The following SEPTIN9 variants were observed in gnomAD, a reference collection of about 807,000 sequenced individuals.
The protein encoded by SEPTIN9 is septin 9.
SEPTIN9 carries 13 observed loss-of-function variants against 56.6 expected under a neutral mutation model. The ratio of observed to expected loss-of-function variants is 0.23; its 90% CI spans 0.15 to 0.37. The LOEUF is 0.37. Ranked by LOEUF, SEPTIN9 falls within the 10% of genes least tolerant of loss-of-function variation. The pLI is 1.00. For synonymous variants in SEPTIN9, 332 were observed against 334.1 expected (o/e 0.99, Z 0.07); for missense variants, 650 against 823.1 (o/e 0.79, Z 2.57).
Position 77,369,628 on chromosome 17 carries a change from C to T in SEPTIN9, c.77-32431C>T, listed in dbSNP as rs544520730. Among the ~76,000 whole-genome samples the T allele has an allele frequency of 2.0e-5, 3 of 152,188 alleles. No individual in the cohort carries two copies. The highest frequency in any genetic ancestry group is 4.4e-5 in the Non-Finnish European group (3 of 68,038). On this transcript the variant is annotated intron_variant, in intron 2 of 11. Coordinates refer to ENST00000427177, the MANE Select transcript of SEPTIN9 (RefSeq NM_001113491.2). The surrounding 1 kb of genome is among the most constrained non-coding windows in gnomAD (Gnocchi z 4.9). ...GAGGCCTACTTTGTGTCAGGCCACG[C>T]AGAGATAAGACCATCTGGGCCCTGC... is the stretch of plus-strand genomic sequence containing the variant.
chr17:77,356,230 G>T (rs997869196), intron 2 of SEPTIN9, among the ~76,000 whole-genome samples: 13 of 152,120 alleles, frequency 8.5e-5, no homozygotes, highest in African/African-American at 3.1e-4. Context: ...TGCCCAGCCC[G>T]CACCGCGAGG....
intron 3 of SEPTIN9, among the ~76,000 whole-genome samples, chr17:77,452,086 C>G (rs983446708): frequency 5.3e-5 from 8 of 152,188 alleles, no homozygotes; most frequent in African/African-American, 1.9e-4. Context: ...CTCTGGATTC[C>G]TGGATGTGTT....
intron 3 of SEPTIN9, among the ~76,000 whole-genome samples, chr17:77,463,255 T>G (rs1391922979): frequency 2.0e-5 from 3 of 152,320 alleles, no homozygotes; most frequent in African/African-American, 4.8e-5. Context: ...CACTGTATCT[T>G]GGAGTGTGCG....
chr17:77,338,196 CA>C (rs899487998), intron 2 of SEPTIN9, among the ~76,000 whole-genome samples: 14 of 140,854 alleles, frequency 9.9e-5, no homozygotes, highest in South Asian at 2.3e-4. Context: ...GACTCCATCT[CA>C]AAAAAAAAAG....
At chr17:77,301,847 G>A (rs2032067650) in intron 1 of SEPTIN9, among the ~76,000 whole-genome samples, 1 of 152,232 alleles carries the variant, frequency 6.6e-6, no homozygotes. Flanking sequence ...AGGAGAGACT[G>A]TCCAGGCCTC....
At position 77,499,506 on chromosome 17, in the gene SEPTIN9, G is replaced by A. The variant is rs1316752719; in HGVS notation, c.*848G>A. The A allele has an allele frequency of 2.1e-6, 1 of 476,836 alleles. No homozygotes were observed. Among genetic ancestry groups the A allele is most frequent in the Admixed American group, 2.7e-5 (1 of 37,362 alleles). The allele number at this position is 476,836 out of a possible 1,614,324, so 29.5% of individuals were successfully genotyped here. On this transcript the variant is annotated 3_prime_UTR_variant, in exon 12 of 12. Transcript: ENST00000427177. ...GTTTTGAAAAGGTCTAAGCAAGTGA[G>A]TCTGGTGGAGGAGCTGAGGGAGGGA...
At chr17:77,368,502 G>A (rs906259952) in intron 2 of SEPTIN9, among the ~76,000 whole-genome samples, 1 of 152,136 alleles carries the variant, frequency 6.6e-6, no homozygotes, top group Non-Finnish European at 1.5e-5. Context: ...AGTAGAGACA[G>A]GGTTTCACCA....
rs192597437 is a variant in SEPTIN9 at position 77,301,141 on chromosome 17, A to C, written c.20-6000A>C. ...AAGTGGGAAGGAGCCACAGGGAAAC[A>C]AACGGGGGAGGCACGGATGACCAGG... On this transcript the variant is annotated intron_variant, in intron 1 of 11. Coordinates refer to ENST00000427177, the MANE Select transcript of SEPTIN9 (RefSeq NM_001113491.2). 5.6e-4 allele frequency among the ~76,000 whole-genome samples: 85 copies of C among 152,030 alleles called. 1 individual carries two copies. In the East Asian group the frequency reaches 7.4e-3, roughly 13 times the overall value.
At position 77,389,903 on chromosome 17, in the gene SEPTIN9, G is replaced by A. The variant is rs1347838850; in HGVS notation, c.77-12156G>A. On this transcript the variant is annotated intron_variant, in intron 2 of 11. Transcript: ENST00000427177. This position sits in a 1 kb window ranked among gnomAD's most constrained non-coding sequence, Gnocchi z 4.3. Reference sequence around the variant, plus strand: ...GCACATCTGAGAGTGTGCCAGAGGTGCTCCCATTCCCATAGCTGATTTAGT... The same window carrying A: ...GCACATCTGAGAGTGTGCCAGAGGTACTCCCATTCCCATAGCTGATTTAGT... 6.6e-6 allele frequency among the ~76,000 whole-genome samples: 1 copy of A among 152,138 alleles called. No individual in the cohort carries two copies. Among genetic ancestry groups the A allele is most frequent in the Non-Finnish European group, 1.5e-5 (1 of 68,010 alleles).
At chr17:77,285,888 C>G (rs1205937942) in intron 1 of SEPTIN9, among the ~76,000 whole-genome samples, 3 of 152,246 alleles carry the variant, frequency 2.0e-5, no homozygotes, top group Non-Finnish European at 4.4e-5. Flanking sequence ...TCACCCAGCG[C>G]CCCGGGAGCT....
intron 2 of SEPTIN9, among the ~76,000 whole-genome samples, chr17:77,307,787 G>A (rs1479360431): frequency 6.6e-6 from 1 of 152,232 alleles, no homozygotes; most frequent in African/African-American, 2.4e-5. Flanking sequence ...TGGCCGTCCA[G>A]GACACGAGTT....
rs575581790 is a variant in SEPTIN9 at position 77,307,959 on chromosome 17, C to T, written c.76+762C>T. Among the ~76,000 whole-genome samples the T allele has an allele frequency of 3.7e-3, 564 of 152,324 alleles. 3 individuals are homozygous for T. The highest frequency in any genetic ancestry group is 6.0e-3 in the Non-Finnish European group (411 of 68,036). ...TGTCCCTGATCTCCCCTGCCTGACC[C>T]CAGTGTGGCCATGCTAGTGCCTCTG... On this transcript the variant is annotated intron_variant, in intron 2 of 11. Coordinates refer to ENST00000427177, the MANE Select transcript of SEPTIN9 (RefSeq NM_001113491.2).
intron 2 of SEPTIN9, chr17:77,373,650 G>A: frequency 6.7e-7 from 1 of 1,488,340 alleles, no homozygotes. Flanking sequence ...GGAGACGGGA[G>A]TGCGCTGAGG....
At chr17:77,489,294 A>G (rs2039928759) in intron 7 of SEPTIN9, among the ~76,000 whole-genome samples, 1 of 152,182 alleles carries the variant, frequency 6.6e-6, no homozygotes, top group Non-Finnish European at 1.5e-5. Flanking sequence ...CACAGAGATC[A>G]GTGCTGGCCC....
chr17:77,309,740 T>TAA (rs112662009), intron 2 of SEPTIN9, among the ~76,000 whole-genome samples: 9,984 of 151,702 alleles, frequency 0.066, 464 homozygotes, highest in African/African-American at 0.12. Flanking sequence ...TTCTTTCCTT[T>TAA]TAAAAAAAAA....
At chr17:77,474,157 G>A (rs1276677877) in intron 3 of SEPTIN9, among the ~76,000 whole-genome samples, 1 of 152,258 alleles carries the variant, frequency 6.6e-6, no homozygotes, top group African/African-American at 2.4e-5. Context: ...TGGAGGTGGA[G>A]TTTTCAGATG....
chr17:77,464,897 C>G (rs1322060511), intron 3 of SEPTIN9, among the ~76,000 whole-genome samples: 4 of 152,106 alleles, frequency 2.6e-5, no homozygotes, highest in Non-Finnish European at 5.9e-5. Flanking sequence ...CCGGCTGACA[C>G]AGGAAATTAA....
Position 77,404,992 on chromosome 17 carries a change from C to T in SEPTIN9, c.721+2289C>T, listed in dbSNP as rs73373371. 5.5e-5 allele frequency: 68 copies of T among 1,240,792 alleles called. 1 individual carries two copies. The African/African-American group carries it at 7.4e-4, about 13-fold the overall frequency. 76.9% of individuals were successfully genotyped at this position (1,240,792 alleles called of 1,614,324 possible). On this transcript the variant is annotated intron_variant, in intron 3 of 11. Coordinates refer to ENST00000427177, the MANE Select transcript of SEPTIN9 (RefSeq NM_001113491.2). ...GGTGCAGGACCTTTGTTTGACGTGC[C>T]GGATACACCCCCATCCTGGGTTGAT...
rs1476447153 is a variant in SEPTIN9 at position 77,405,931 on chromosome 17, C to T, written c.721+3228C>T. ...CAATCTCTGCGGCCCCTCTGTCCCC[C>T]GAGCACCAGGGATCCAGCTGGCACC... On this transcript the variant is annotated intron_variant, in intron 3 of 11. Coordinates refer to ENST00000427177, the MANE Select transcript of SEPTIN9 (RefSeq NM_001113491.2). The surrounding 1 kb of genome is among the most constrained non-coding windows in gnomAD (Gnocchi z 5.8). Among the ~76,000 whole-genome samples, 1 of 152,230 alleles carries T rather than the reference C, an allele frequency of 6.6e-6. No homozygotes were observed. Among genetic ancestry groups the T allele is most frequent in the East Asian group, 1.9e-4 (1 of 5,188 alleles).
Sources: gnomAD v4.1 joint callset for allele counts (sites outside exome capture counted in the v4.1 genomes callset) on GRCh38, gnomAD v4.1.1 for gene constraint, Gnocchi (gnomAD v3.1) non-coding constraint, MANE v1.5 for transcripts, NCBI Gene and HGNC (gene_info 2026-07-23, HGNC 2026-07-21) for gene names.